SLC35A5: variants seen among roughly 807,000 people sequenced by gnomAD.
The protein encoded by SLC35A5 is UDP-sugar transporter protein SLC35A5.
A neutral mutation model predicts 36.3 loss-of-function variants in SLC35A5; 28 were observed. That is an observed-to-expected ratio of 0.77 (90% CI 0.57 to 1.06). The LOEUF is 1.06. Among genes scored for constraint, SLC35A5 ranks in the 50% least tolerant of loss-of-function variants. The pLI is 0.00. For synonymous variants in SLC35A5, 180 were observed against 173.7 expected (o/e 1.04, Z -0.29); for missense variants, 521 against 499.3 (o/e 1.04, Z -0.41).
chr3:112,569,325 A>G lies in SLC35A5; in HGVS notation c.229+56A>G, dbSNP rs1934334059. ...TAATCATAGGACCAAAAAATGTTAG[A>G]ACTGGAAGGAACATTTTGTATCATT... On this transcript the variant is annotated intron_variant, in intron 3 of 6. Coordinates refer to ENST00000492406, the MANE Select transcript of SLC35A5 (RefSeq NM_017945.5). The G allele has an allele frequency of 2.3e-6, 3 of 1,285,258 alleles. No homozygotes were observed. In the East Asian group the frequency reaches 7.0e-5, roughly 30 times the overall value. 79.6% of individuals were successfully genotyped at this position (1,285,258 alleles called of 1,614,324 possible). A position where few individuals can be genotyped will look rare whatever the true frequency, so the allele number is the denominator to read the frequency against.
At chr3:112,566,274 A>T (rs774168846) in intron 2 of SLC35A5, among the ~76,000 whole-genome samples, 1 of 152,182 alleles carries the variant, frequency 6.6e-6, no homozygotes, top group Non-Finnish European at 1.5e-5. Flanking sequence ...TTGTAGTTGA[A>T]GAGGTCAGGA....
chr3:112,569,744 C>G (rs1264332430), intron 3 of SLC35A5, among the ~76,000 whole-genome samples: 1 of 152,088 alleles, frequency 6.6e-6, no homozygotes, highest in Non-Finnish European at 1.5e-5. Context: ...ATTCCTTTCT[C>G]AAATGTAAAG....
intron 4 of SLC35A5, 51 bp downstream of exon 4, chr3:112,570,721 A>C: frequency 1.4e-6 from 2 of 1,476,814 alleles, no homozygotes; most frequent in Non-Finnish European, 1.8e-6. Flanking sequence ...AGAGAAATAA[A>C]TCCCAGAATT....
intron 5 of SLC35A5, among the ~76,000 whole-genome samples, chr3:112,580,075 T>A (rs1488768706): frequency 6.6e-6 from 1 of 152,166 alleles, no homozygotes; most frequent in Non-Finnish European, 1.5e-5. Context: ...CTTTTTTGGG[T>A]TATGGACACC....
intron 2 of SLC35A5, among the ~76,000 whole-genome samples, chr3:112,566,832 G>A (rs186434306): frequency 3.3e-5 from 5 of 152,312 alleles, no homozygotes; most frequent in Non-Finnish European, 4.4e-5. Context: ...GAGAAGGTAT[G>A]GTAGCTAGAG....
chr3:112,567,559 C>T (rs1451438900), intron 2 of SLC35A5, among the ~76,000 whole-genome samples: 2 of 152,212 alleles, frequency 1.3e-5, no homozygotes, highest in African/African-American at 4.8e-5. Flanking sequence ...CCTGCCTCGG[C>T]CTCCCAAAGT....
chr3:112,565,979 A>G (rs553418225), intron 2 of SLC35A5, among the ~76,000 whole-genome samples: 1 of 152,286 alleles, frequency 6.6e-6, no homozygotes, highest in Non-Finnish European at 1.5e-5. Context: ...TGGTAGCTGG[A>G]TGGCAGTGGA....
chr3:112,561,735 T>C (rs1280525845), upstream of SLC35A5: 2 of 564,754 alleles, frequency 3.5e-6, no homozygotes, highest in East Asian at 3.3e-5. Flanking sequence ...GGGTGCGCGA[T>C]CCTCGCACCC....
chr3:112,564,845 A>T lies in SLC35A5; in HGVS notation c.130+1312A>T, dbSNP rs372819028. ...TTCAAGCATTTGTTTAACAAAGCAC[A>T]TCTTGCACAGCCCTTAATCCATTTA... is the stretch of plus-strand genomic sequence containing the variant. On this transcript the variant is annotated intron_variant, in intron 2 of 6. Transcript: ENST00000492406. Among the ~76,000 whole-genome samples, 14 of 152,364 alleles carry T rather than the reference A, an allele frequency of 9.2e-5. No homozygotes were observed. In the East Asian group the frequency reaches 1.5e-3, roughly 17 times the overall value.
Position 112,584,862 on chromosome 3 carries a change from A to G in SLC35A5, c.*2126A>G, listed in dbSNP as rs1935086123. 1 of 152,178 alleles carries G rather than the reference A, an allele frequency of 6.6e-6. No individual in the cohort carries two copies. Among genetic ancestry groups the G allele is most frequent in the Non-Finnish European group, 1.5e-5 (1 of 68,024 alleles). 9.4% of individuals were successfully genotyped at this position (152,178 alleles called of 1,614,324 possible). Reference sequence around the variant, plus strand: ...CCATGGAATACTTTGCAGCCATAAAAAATAATGAAACCATGTGCTTTAAAG... The same window carrying G: ...CCATGGAATACTTTGCAGCCATAAAGAATAATGAAACCATGTGCTTTAAAG... On this transcript the variant is annotated 3_prime_UTR_variant, in exon 7 of 7. Coordinates refer to ENST00000492406, the MANE Select transcript of SLC35A5 (RefSeq NM_017945.5).
chr3:112,570,682 T>A lies in SLC35A5; in HGVS notation c.360+12T>A, dbSNP rs1476012901. 3 of 1,540,308 alleles carry A rather than the reference T, an allele frequency of 1.9e-6. No homozygotes were observed. Among genetic ancestry groups the A allele is most frequent in the African/African-American group, 1.4e-5 (1 of 70,088 alleles). On this transcript the variant is annotated intron_variant, in intron 4 of 6. Transcript: ENST00000492406. ...CCTATCTTCAACCAGTAAGTAAATA[T>A]GAAAAAGAAAATACCATTGAAAAGA...
chr3:112,581,077 G>A lies in SLC35A5; in HGVS notation c.960G>A (p.Val320=), dbSNP rs747291534. 7.4e-6 allele frequency: 12 copies of A among 1,613,810 alleles called. No individual in the cohort carries two copies. The African/African-American group carries it at 1.1e-4, about 14-fold the overall frequency. ...TAACTGCATTCCAGGGCCTTTCAGT[G>A]GCTTTCATTCTGAAGTTCCTGGATA... The part of the protein sequence containing the change: ...IFVTAFQGLS[V]AFILKFLDNM... The change falls in exon 6 of 7, where the codon GTG becomes GTA. Residue 320 remains valine (V), a synonymous_variant. Transcript: ENST00000492406.
In SLC35A5 at chr3:112,582,798, T is replaced by C; in HGVS notation, c.*62T>C. 1 of 1,330,316 alleles carries C rather than the reference T, an allele frequency of 7.5e-7. No individual in the cohort carries two copies. Among genetic ancestry groups the C allele is most frequent in the Non-Finnish European group, 1.1e-6 (1 of 934,390 alleles). The allele number at this position is 1,330,316 out of a possible 1,614,324, so 82.4% of individuals were successfully genotyped here. ...ATTTTCACATTTTCAGTGTTTGTAA[T>C]ATTTATCTTTTCACTTTGATAAACC... On this transcript the variant is annotated 3_prime_UTR_variant, in exon 7 of 7. Coordinates refer to ENST00000492406, the MANE Select transcript of SLC35A5 (RefSeq NM_017945.5).
At chr3:112,563,183 A>G (rs978729991) in intron 1 of SLC35A5, among the ~76,000 whole-genome samples, 2 of 152,162 alleles carry the variant, frequency 1.3e-5, no homozygotes, top group African/African-American at 4.8e-5. Flanking sequence ...ATCTGGTTCT[A>G]CGTTTTCTGT....
At chr3:112,572,163 C>T (rs916722699) in intron 4 of SLC35A5, among the ~76,000 whole-genome samples, 70 of 150,366 alleles carry the variant, frequency 4.7e-4, no homozygotes, top group African/African-American at 1.7e-3. Context: ...AGGATGGTCT[C>T]GATCTCCTGA....
rs17849939 is a variant in SLC35A5 at position 112,580,857 on chromosome 3, A to C, written c.740A>C (p.Asn247Thr). Residue 247 changes from asparagine (N) to threonine (T), a missense_variant, in exon 6 of 7, where the codon AAT (asparagine) becomes ACT (threonine). Coordinates refer to ENST00000492406, the MANE Select transcript of SLC35A5 (RefSeq NM_017945.5). ...CAGTGTTTTATTTCTTCAATGGCTA[A>C]TATCTATAATGAAAAGATACTGAAG... is the stretch of plus-strand genomic sequence containing the variant. ...IVQCFISSMA[N>T]IYNEKILKEG... is the part of the protein sequence containing the mutation. 1 of 1,614,176 alleles carries C rather than the reference A, an allele frequency of 6.2e-7. No individual in the cohort carries two copies. Among genetic ancestry groups the C allele is most frequent in the Admixed American group, 1.7e-5 (1 of 60,012 alleles).
At chr3:112,573,981 A>G (rs752808472) in intron 5 of SLC35A5, 25 bp downstream of exon 5, 3 of 1,577,714 alleles carry the variant, frequency 1.9e-6, no homozygotes, top group African/African-American at 1.4e-5. Context: ...GTGAAAACAT[A>G]TATCATACTT....
At chr3:112,566,544 G>A (rs758795640) in intron 2 of SLC35A5, among the ~76,000 whole-genome samples, 3 of 152,116 alleles carry the variant, frequency 2.0e-5, no homozygotes, top group Admixed American at 6.5e-5. Flanking sequence ...AGTGACATGC[G>A]GACACCAGAA....
Position 112,563,526 on chromosome 3 carries a change from C to T in SLC35A5, c.123C>T (p.Ala41=), listed in dbSNP as rs1457559189. The T allele has an allele frequency of 6.3e-7, 1 of 1,598,834 alleles. No individual in the cohort carries two copies. ...SSRILLVKYS[A]NEENKYDYLP... is the part of the protein sequence containing the mutation. The stretch of plus-strand genomic sequence containing the variant: ...GCATCTTACTAGTGAAGTATTCTGC[C>T]AATGAAGGTAAGTTAAGACTTGGTA... The change falls in exon 2 of 7, where the codon GCC becomes GCT. Residue 41 remains alanine, a synonymous_variant. Transcript: ENST00000492406.
Sources: gnomAD v4.1 joint callset for allele counts (sites outside exome capture counted in the v4.1 genomes callset) on GRCh38, gnomAD v4.1.1 for gene constraint, MANE v1.5 for transcripts, NCBI Gene and HGNC (gene_info 2026-07-23, HGNC 2026-07-21) for gene names.